The following CASTOR2 variants were observed in gnomAD, a reference collection of about 807,000 sequenced individuals.
The protein encoded by CASTOR2 is cytosolic arginine sensor for mTORC1 subunit 2.
CASTOR2 carries 8 observed loss-of-function variants against 31.2 expected under a neutral mutation model. The observed-to-expected ratio is 0.26, with a 90% CI of 0.15 to 0.46. The LOEUF (loss-of-function observed/expected upper bound fraction) is 0.46. Ranked by LOEUF, CASTOR2 falls within the 20% of genes least tolerant of loss-of-function variation. The probability of loss-of-function intolerance (pLI) is 0.99; values close to 1 mark genes in which losing one functional copy is unlikely to be tolerated. For missense variants in CASTOR2, 216 were observed against 382.1 expected, an observed-to-expected ratio of 0.57 and a Z score of 3.62; for synonymous variants, 162 against 158.7, an observed-to-expected ratio of 1.02 and a Z score of -0.16.
chr7:75,031,455 T>G lies in CASTOR2; in HGVS notation c.*6756T>G, dbSNP rs1805302410. On this transcript the variant is annotated 3_prime_UTR_variant, in exon 9 of 9. Transcript: ENST00000616305. Reference sequence around the variant, plus strand: ...TGTACTGTATGTTGGAGAAAAAAAATTACCTAATGTTCCCCCAAAAAAGAC... The same window carrying G: ...TGTACTGTATGTTGGAGAAAAAAAAGTACCTAATGTTCCCCCAAAAAAGAC... Among the ~76,000 whole-genome samples the G allele has an allele frequency of 6.6e-6, 1 of 151,968 alleles. No individual in the cohort carries two copies. The highest frequency in any genetic ancestry group is 1.9e-4 in the East Asian group (1 of 5,184).
chr7:75,008,364 G>T (rs1441257099), intron 2 of CASTOR2, among the ~76,000 whole-genome samples: 1 of 152,108 alleles, frequency 6.6e-6, no homozygotes, highest in East Asian at 1.9e-4. Flanking sequence ...CTGAGAATTA[G>T]ATCAACCCAG....
At chr7:74,983,847 G>T (rs1804002969) in intron 1 of CASTOR2, among the ~76,000 whole-genome samples, 1 of 151,210 alleles carries the variant, frequency 6.6e-6, no homozygotes. Flanking sequence ...GAGTTCAGTG[G>T]CAAAATCATA....
At position 75,020,290 on chromosome 7, in the gene CASTOR2, T is replaced by A. The variant is rs1441886810; in HGVS notation, c.746+141T>A. ...CGGGGTCTCGCTCTGTCGCCCAGGCTGGGGTGCAGTGGTGCGATCTCGGCT... is the reference window on the plus strand; with the variant it reads ...CGGGGTCTCGCTCTGTCGCCCAGGCAGGGGTGCAGTGGTGCGATCTCGGCT... On this transcript the variant is annotated intron_variant, in intron 6 of 8. Coordinates refer to ENST00000616305, the MANE Select transcript of CASTOR2 (RefSeq NM_001145064.3). 4.9e-6 allele frequency: 4 copies of A among 815,708 alleles called. No individual in the cohort carries two copies. The African/African-American group carries it at 6.9e-5, about 14-fold the overall frequency. 50.5% of individuals were successfully genotyped at this position (815,708 alleles called of 1,614,324 possible). A position where few individuals can be genotyped will look rare whatever the true frequency, so the allele number is the denominator to read the frequency against.
chr7:75,005,619 C>T (rs1804589302), intron 1 of CASTOR2, among the ~76,000 whole-genome samples: 2 of 152,210 alleles, frequency 1.3e-5, no homozygotes, highest in Non-Finnish European at 2.9e-5. Flanking sequence ...TGTGCGGGCA[C>T]CTGTTCTCAC....
intron 4 of CASTOR2, among the ~76,000 whole-genome samples, chr7:75,018,662 G>T (rs1260649394): frequency 5.9e-5 from 9 of 152,260 alleles, no homozygotes; most frequent in African/African-American, 2.2e-4. Flanking sequence ...CCAGGTGTCA[G>T]GGTGGATTTC....
At chr7:75,005,082 G>C (rs1201795547) in intron 1 of CASTOR2, among the ~76,000 whole-genome samples, 1 of 151,886 alleles carries the variant, frequency 6.6e-6, no homozygotes, top group Admixed American at 6.6e-5. Flanking sequence ...GGCCAGGCTG[G>C]TCTCGAACTC....
At chr7:75,021,739 T>C in intron 6 of CASTOR2, 135 bp from the exon 7 acceptor site, 1 of 1,063,448 alleles carries the variant, frequency 9.4e-7, no homozygotes, top group Non-Finnish European at 1.4e-6. Flanking sequence ...GAAGGGATTG[T>C]TTTTGGGGGG....
Position 75,017,700 on chromosome 7 carries a change from T to C in CASTOR2, c.287T>C (p.Val96Ala). 6.2e-7 allele frequency: 1 copy of C among 1,614,030 alleles called. No individual in the cohort carries two copies. The highest frequency in any genetic ancestry group is 8.5e-7 in the Non-Finnish European group (1 of 1,179,878). The change falls in exon 3 of 9, where the codon GTG (valine) becomes GCG (alanine). Residue 96 changes from valine (V) to alanine (A), a missense_variant. Coordinates refer to ENST00000616305, the MANE Select transcript of CASTOR2 (RefSeq NM_001145064.3). ...TTCTCCAGCTCCCAGCCCATCGGCG[T>C]GACCAAGATCGCCAAGTCAGTCATC... The part of the protein sequence containing the change: ...GSFSSSQPIG[V>A]TKIAKSVIAP...
intron 1 of CASTOR2, among the ~76,000 whole-genome samples, chr7:74,978,229 G>A (rs1803871785): frequency 1.3e-5 from 2 of 149,486 alleles, no homozygotes; most frequent in African/African-American, 2.5e-5. Flanking sequence ...TCAGCCTCCC[G>A]AGTAGCTGGG....
rs1421914622 is a variant in CASTOR2, at chr7:75,005,902, G to A, written c.114-2092G>A. ...CCCAGCACTTTGGGATGCTGAGGCGGGTGGATCACTTGAAGTAAGGAGTTC... is the reference window on the plus strand; with the variant it reads ...CCCAGCACTTTGGGATGCTGAGGCGAGTGGATCACTTGAAGTAAGGAGTTC... On this transcript the variant is annotated intron_variant, in intron 1 of 8. Transcript: ENST00000616305. Among the ~76,000 whole-genome samples, 4 of 152,338 alleles carry A rather than the reference G, an allele frequency of 2.6e-5. No individual in the cohort carries two copies. In the East Asian group the frequency reaches 7.7e-4, roughly 29 times the overall value.
chr7:75,013,536 G>A (rs1268180609), intron 2 of CASTOR2, among the ~76,000 whole-genome samples: 44 of 152,194 alleles, frequency 2.9e-4, no homozygotes, highest in South Asian at 1.2e-3. Context: ...CCAGCTACTC[G>A]GTGGGCTGCG....
intron 6 of CASTOR2, 102 bp downstream of exon 6, chr7:75,020,251 G>GT (rs1162825733): frequency 2.2e-3 from 2,509 of 1,142,100 alleles, no homozygotes; most frequent in Middle Eastern, 3.0e-3. Flanking sequence ...ATTTGTTGTT[G>GT]TTTTTTTTTG....
chr7:75,011,535 C>T (rs1183974840), intron 2 of CASTOR2, among the ~76,000 whole-genome samples: 1 of 151,554 alleles, frequency 6.6e-6, no homozygotes, highest in South Asian at 2.1e-4. Context: ...GAGATTGAGA[C>T]CATCCTGGCT....
Position 75,024,852 on chromosome 7 carries a change from A to G in CASTOR2, c.*153A>G, listed in dbSNP as rs986364778. 1.3e-6 allele frequency: 2 copies of G among 1,538,298 alleles called. No individual in the cohort carries two copies. Among genetic ancestry groups the G allele is most frequent in the South Asian group, 2.4e-5 (2 of 82,446 alleles). The stretch of plus-strand genomic sequence containing the variant: ...GACTCCCTCGATTGCCAATCCCTCC[A>G]GGGCAGGGGCCCACGCCAAGGCCTC... On this transcript the variant is annotated 3_prime_UTR_variant, in exon 9 of 9. Transcript: ENST00000616305.
intron 1 of CASTOR2, among the ~76,000 whole-genome samples, chr7:74,988,379 G>A (rs1584463290): frequency 6.6e-6 from 1 of 151,484 alleles, no homozygotes; most frequent in African/African-American, 2.4e-5. Flanking sequence ...CTCACTGCAA[G>A]CTCCGCCTCC....
intron 7 of CASTOR2, 64 bp downstream of exon 7, chr7:75,022,020 C>T (rs1295952796): frequency 2.0e-5 from 30 of 1,536,928 alleles, no homozygotes; most frequent in African/African-American, 1.4e-4. Flanking sequence ...CATTCACATA[C>T]GTTGTCCGCA....
Position 75,018,018 on chromosome 7 carries a change from C to T in CASTOR2, c.407C>T (p.Thr136Ile), listed in dbSNP as rs1395042522. 7 of 1,614,120 alleles carry T rather than the reference C, an allele frequency of 4.3e-6. No homozygotes were observed. The highest frequency in any genetic ancestry group is 4.2e-6 in the Non-Finnish European group (5 of 1,180,046). Reference sequence around the variant, plus strand: ...CGCGAGCGGGACCTGCCCTTTGTCACCCACACATTGTCATCAGAGTTCACC... The same window carrying T: ...CGCGAGCGGGACCTGCCCTTTGTCATCCACACATTGTCATCAGAGTTCACC... ...LVRERDLPFV[T>I]HTLSSEFTIL... The change falls in exon 4 of 9, where the codon ACC becomes ATC. Residue 136 changes from threonine (T) to isoleucine (I), a missense_variant. By Grantham distance (89) the Thr-to-Ile change is moderately conservative (BLOSUM62 -1). Around this residue, in one of 5 missense-constraint regions of CASTOR2, gnomAD observed 114 missense variants for 194.2 expected, o/e 0.59. Coordinates refer to ENST00000616305, the MANE Select transcript of CASTOR2 (RefSeq NM_001145064.3).
rs879121750 is a variant in CASTOR2, at chr7:75,026,189, GTTTTTTT to G, written c.*1501_*1507del. Among the ~76,000 whole-genome samples the G allele has an allele frequency of 2.5e-5, 3 of 117,744 alleles. No homozygotes were observed. The highest frequency in any genetic ancestry group is 5.3e-5 in the Non-Finnish European group (3 of 56,722). The allele number at this position is 117,744 out of a possible 152,430, so 77.2% of individuals were successfully genotyped here. A position where few individuals can be genotyped will look rare whatever the true frequency, so the allele number is the denominator to read the frequency against. On this transcript the variant is annotated 3_prime_UTR_variant, in exon 9 of 9. Coordinates refer to ENST00000616305, the MANE Select transcript of CASTOR2 (RefSeq NM_001145064.3). ...CCCTGTGGTTTTGGCTCTGGCGGGG[GTTTTTTT>G]TTTTTTTTTTGAGATGGGAGTCTGG...
rs1299044478 is a variant in CASTOR2, at chr7:75,026,782, T to G, written c.*2083T>G. Among the ~76,000 whole-genome samples, 1 of 152,130 alleles carries G rather than the reference T, an allele frequency of 6.6e-6. No homozygotes were observed. Among genetic ancestry groups the G allele is most frequent in the Non-Finnish European group, 1.5e-5 (1 of 68,026 alleles). On this transcript the variant is annotated 3_prime_UTR_variant, in exon 9 of 9. Coordinates refer to ENST00000616305, the MANE Select transcript of CASTOR2 (RefSeq NM_001145064.3). ...CTGTGGTGGAAGCCCTGAGTCCCCT[T>G]TCTGACCTTGCAAGGCCTTGATTTT...
Sources: allele counts gnomAD v4.1 joint callset (sites outside exome capture counted in the v4.1 genomes callset), GRCh38; gene constraint gnomAD v4.1.1; regional missense constraint gnomAD v4.1.1; transcripts MANE v1.5; gene names NCBI Gene and HGNC (gene_info 2026-07-23, HGNC 2026-07-21).